The following SPMIP7 variants were observed in gnomAD, a reference collection of about 807,000 sequenced individuals.
SPMIP7 encodes protein SPMIP7.
At chr7:50,101,410 C>T in the SPMIP7 span, among the ~76,000 whole-genome samples, 1 of 152,148 alleles carries the variant, frequency 6.6e-6, no homozygotes, top group Admixed American at 6.5e-5. Flanking sequence ...CTTTTTTGAA[C>T]CTTTGCAGCT....
the SPMIP7 span, among the ~76,000 whole-genome samples, chr7:50,151,114 A>G: frequency 1.3e-5 from 2 of 152,246 alleles, no homozygotes; most frequent in African/African-American, 2.4e-5. Context: ...CCACTCTGTC[A>G]AGACCTGGTA....
chr7:50,116,162 C>G, the SPMIP7 span, among the ~76,000 whole-genome samples: 1 of 152,222 alleles, frequency 6.6e-6, no homozygotes, highest in African/African-American at 2.4e-5. Context: ...GTCACCCAGG[C>G]TGGAGTGTAG....
chr7:50,129,908 AAACG>A, the SPMIP7 span: 1 of 673,644 alleles, frequency 1.5e-6, no homozygotes, highest in Non-Finnish European at 2.6e-6. Context: ...AGAGGACATC[AAACG>A]CAGACATTTA....
At chr7:50,151,209 T>C in the SPMIP7 span, among the ~76,000 whole-genome samples, 10 of 152,262 alleles carry the variant, frequency 6.6e-5, no homozygotes, top group East Asian at 1.7e-3. Flanking sequence ...AAACATGAAC[T>C]TGAAATAAAT....
At chr7:50,138,003 A>T in the SPMIP7 span, among the ~76,000 whole-genome samples, 13 of 152,112 alleles carry the variant, frequency 8.5e-5, no homozygotes, top group Non-Finnish European at 1.5e-4. Context: ...TTTTACTGTA[A>T]CTAAATTCAT....
the SPMIP7 span, among the ~76,000 whole-genome samples, chr7:50,125,197 T>C: frequency 3.4e-5 from 2 of 59,408 alleles, no homozygotes; most frequent in African/African-American, 5.8e-5. Context: ...TATATACACA[T>C]ATATATACAC....
the SPMIP7 span, among the ~76,000 whole-genome samples, chr7:50,108,460 A>G: frequency 2.2e-4 from 34 of 152,348 alleles, no homozygotes; most frequent in African/African-American, 7.9e-4. Flanking sequence ...GATTCCCCTG[A>G]AAGATTATGC....
the SPMIP7 span, among the ~76,000 whole-genome samples, chr7:50,132,843 G>A: frequency 5.9e-5 from 9 of 152,124 alleles, no homozygotes; most frequent in Non-Finnish European, 1.2e-4. Flanking sequence ...TTCCTATGTG[G>A]TAGAGATAAT....
At chr7:50,140,120 C>T in the SPMIP7 span, 102 of 1,475,094 alleles carry the variant, frequency 6.9e-5, no homozygotes, top group Middle Eastern at 8.6e-4. Flanking sequence ...ACCCAGTTGC[C>T]TCTCTTCTCT....
At chr7:50,155,334 G>A in the SPMIP7 span, among the ~76,000 whole-genome samples, 98 of 152,212 alleles carry the variant, frequency 6.4e-4, no homozygotes, top group African/African-American at 2.2e-3. Context: ...TAGACATTTA[G>A]ACAAGTAATA....
chr7:50,147,512 G>A, the SPMIP7 span, among the ~76,000 whole-genome samples: 1 of 152,198 alleles, frequency 6.6e-6, no homozygotes, highest in Non-Finnish European at 1.5e-5. Context: ...AGGGTGCCTG[G>A]AATATAGAAC....
the SPMIP7 span, among the ~76,000 whole-genome samples, chr7:50,128,770 T>G: frequency 6.6e-6 from 1 of 152,004 alleles, no homozygotes; most frequent in African/African-American, 2.4e-5. Flanking sequence ...TTATAATTCA[T>G]GGACAGTAAA....
the SPMIP7 span, chr7:50,151,344 G>T: frequency 1.1e-6 from 1 of 919,812 alleles, no homozygotes; most frequent in Non-Finnish European, 1.6e-6. Flanking sequence ...AAATTAGACT[G>T]CATATTTCTT....
chr7:50,102,942 A>G, the SPMIP7 span, among the ~76,000 whole-genome samples: 1 of 149,742 alleles, frequency 6.7e-6, no homozygotes, highest in Non-Finnish European at 1.5e-5. Context: ...CTGGAACCCC[A>G]GCAATAAGTA....
the SPMIP7 span, among the ~76,000 whole-genome samples, chr7:50,100,766 C>T: frequency 2.7e-5 from 4 of 150,256 alleles, no homozygotes; most frequent in Admixed American, 6.7e-5. Context: ...GAGCCGAGAT[C>T]GTGCCACTGC....
the SPMIP7 span, among the ~76,000 whole-genome samples, chr7:50,153,649 C>A: frequency 6.6e-6 from 1 of 152,182 alleles, no homozygotes; most frequent in African/African-American, 2.4e-5. Context: ...TTACTATCAC[C>A]ATTTTACAGA....
the SPMIP7 span, among the ~76,000 whole-genome samples, chr7:50,138,186 G>T: frequency 6.6e-6 from 1 of 151,970 alleles, no homozygotes; most frequent in Admixed American, 6.5e-5. Flanking sequence ...TAAGAGCTGG[G>T]GATCCATTTT....
chr7:50,120,711 T>G, the SPMIP7 span, among the ~76,000 whole-genome samples: 1 of 152,206 alleles, frequency 6.6e-6, no homozygotes, highest in East Asian at 1.9e-4. Flanking sequence ...CAAGGCTGGC[T>G]AGTCTAAGAT....
the SPMIP7 span, among the ~76,000 whole-genome samples, chr7:50,153,254 C>T: frequency 6.6e-6 from 1 of 152,176 alleles, no homozygotes; most frequent in Non-Finnish European, 1.5e-5. Flanking sequence ...AGGTGACTGT[C>T]AGGCCATGGG....
Sources: allele counts gnomAD v4.1 joint callset (sites outside exome capture counted in the v4.1 genomes callset), GRCh38; gene constraint gnomAD v4.1.1; transcripts MANE v1.5; gene names NCBI Gene and HGNC (gene_info 2026-07-23, HGNC 2026-07-21).